The following TUSC3 variants were observed in gnomAD, a reference collection of about 807,000 sequenced individuals.
TUSC3 encodes tumor suppressor candidate 3, also known as dolichyl-diphosphooligosaccharide--protein glycosyltransferase subunit TUSC3.
A neutral mutation model predicts 44.8 loss-of-function variants in TUSC3; 45 were observed. The observed-to-expected ratio is 1.00, with a 90% CI of 0.79 to 1.29. The LOEUF (loss-of-function observed/expected upper bound fraction) is 1.29. Ranked by LOEUF, TUSC3 falls within the 50% of genes most tolerant of loss-of-function variation. The pLI is 0.00. For synonymous variants in TUSC3, 212 were observed against 152.9 expected, an observed-to-expected ratio of 1.39 and a Z score of -2.85; for missense variants, 519 against 437.9, an observed-to-expected ratio of 1.19 and a Z score of -1.65.
At chr8:15,836,116 T>G in the TUSC3 span, among the ~76,000 whole-genome samples, 5 of 151,488 alleles carry the variant, frequency 3.3e-5, no homozygotes. Context: ...TTTATTCTCA[T>G]ACTATTGTTT....
intron 2 of TUSC3, among the ~76,000 whole-genome samples, chr8:15,507,042 T>C (rs1801060984): frequency 6.6e-6 from 1 of 152,226 alleles, no homozygotes; most frequent in African/African-American, 2.4e-5. Context: ...GGTCTTCATT[T>C]TGAAGGCTCC....
chr8:15,426,952 T>C (rs1042105784), intron 1 of TUSC3, among the ~76,000 whole-genome samples: 44 of 152,198 alleles, frequency 2.9e-4, no homozygotes, highest in African/African-American at 1.0e-3. Flanking sequence ...TCATTTGCAT[T>C]TCCCTGAGCA....
intron 1 of TUSC3, among the ~76,000 whole-genome samples, chr8:15,563,685 C>CAAACAAAAAA (rs1802561799): frequency 1.3e-5 from 1 of 79,974 alleles, no homozygotes; most frequent in Non-Finnish European, 2.2e-5. Flanking sequence ...GCCTCCATCT[C>CAAACAAAAAA]AAAAAAAAAA....
chr8:15,465,645 G>C lies in TUSC3; in HGVS notation n.92-17741G>C, dbSNP rs192740444. The stretch of plus-strand genomic sequence containing the variant: ...ATTATAAAAGGCTTAATTTTCAGAT[G>C]AGGAAGACAAGTTCCTGTAAAACTT... On this transcript the variant is annotated intron_variant and non_coding_transcript_variant, in intron 1 of 5. Transcript: ENST00000503191. 1.4e-4 allele frequency among the ~76,000 whole-genome samples: 22 copies of C among 152,298 alleles called. 1 individual carries two copies. The highest frequency in any genetic ancestry group is 5.1e-4 in the African/African-American group (21 of 41,574).
intron 1 of TUSC3, among the ~76,000 whole-genome samples, chr8:15,429,998 C>CA (rs974494113): frequency 4.6e-5 from 7 of 150,982 alleles, no homozygotes; most frequent in Non-Finnish European, 7.4e-5. Flanking sequence ...GCCCACCAAC[C>CA]AAAAAAAATC....
intron 1 of TUSC3, among the ~76,000 whole-genome samples, chr8:15,567,001 A>G (rs1802703232): frequency 6.6e-6 from 1 of 152,092 alleles, no homozygotes; most frequent in Non-Finnish European, 1.5e-5. Context: ...GGGCTTTTAT[A>G]CTATGTGCTC....
intron 1 of TUSC3, among the ~76,000 whole-genome samples, chr8:15,463,971 T>G (rs1800382512): frequency 1.3e-5 from 2 of 152,212 alleles, no homozygotes. Context: ...ACTACAGTTT[T>G]ACAGATGAAG....
At chr8:15,582,249 A>G (rs1585123384) in intron 1 of TUSC3, among the ~76,000 whole-genome samples, 1 of 152,294 alleles carries the variant, frequency 6.6e-6, no homozygotes, top group Middle Eastern at 3.4e-3. Flanking sequence ...TCAGATGGAA[A>G]TGCAGAAATC....
intron 1 of TUSC3, among the ~76,000 whole-genome samples, chr8:15,480,451 T>G (rs949188125): frequency 1.3e-5 from 2 of 152,238 alleles, no homozygotes; most frequent in Non-Finnish European, 1.5e-5. Flanking sequence ...ACAACAGATA[T>G]GTACTTTCTC....
intron 1 of TUSC3, among the ~76,000 whole-genome samples, chr8:15,452,306 T>C (rs568183964): frequency 6.6e-6 from 1 of 152,204 alleles, no homozygotes; most frequent in Non-Finnish European, 1.5e-5. Flanking sequence ...GTTCTAGGTA[T>C]AAATGCTGAA....
the TUSC3 span, among the ~76,000 whole-genome samples, chr8:15,816,773 A>C: frequency 6.6e-6 from 1 of 152,208 alleles, no homozygotes; most frequent in Admixed American, 6.5e-5. Context: ...TTTTACACCT[A>C]GCACATAATT....
At chr8:15,762,374 C>T (rs987245311) in intron 10 of TUSC3, among the ~76,000 whole-genome samples, 8 of 151,636 alleles carry the variant, frequency 5.3e-5, no homozygotes, top group African/African-American at 1.9e-4. Context: ...GATTGTTACA[C>T]CAGGTTAAGA....
At chr8:15,491,637 C>A (rs28454531) in intron 2 of TUSC3, among the ~76,000 whole-genome samples, 2,486 of 152,190 alleles carry the variant, frequency 0.016, 89 homozygotes, top group African/African-American at 0.057. Flanking sequence ...ATTCTCTAAC[C>A]CTTCTGTGCA....
chr8:15,550,206 T>A (rs1802013758), intron 1 of TUSC3, among the ~76,000 whole-genome samples: 1 of 151,700 alleles, frequency 6.6e-6, no homozygotes. Context: ...TGTCTGTCTG[T>A]GGATTTCATT....
chr8:15,642,196 G>T (rs1585184337), intron 2 of TUSC3, among the ~76,000 whole-genome samples: 2 of 152,258 alleles, frequency 1.3e-5, no homozygotes, highest in East Asian at 3.9e-4. Flanking sequence ...GAATTTTGTA[G>T]TATCACAAGA....
At chr8:15,819,101 CA>C in the TUSC3 span, among the ~76,000 whole-genome samples, 1 of 152,166 alleles carries the variant, frequency 6.6e-6, no homozygotes, top group East Asian at 1.9e-4. Flanking sequence ...AAATTCACAG[CA>C]TTCTTGATTC....
chr8:15,754,446 T>C (rs1399835749), intron 9 of TUSC3, among the ~76,000 whole-genome samples: 1 of 152,156 alleles, frequency 6.6e-6, no homozygotes, highest in African/African-American at 2.4e-5. Context: ...CAACTGCTAG[T>C]ACAGACACAC....
chr8:15,805,568 C>T, the TUSC3 span, among the ~76,000 whole-genome samples: 3 of 152,094 alleles, frequency 2.0e-5, no homozygotes, highest in African/African-American at 7.2e-5. Flanking sequence ...AGAGCCTTTT[C>T]TATGCCTATT....
At chr8:15,739,666 A>T (rs930502339) in intron 7 of TUSC3, among the ~76,000 whole-genome samples, 2 of 152,200 alleles carry the variant, frequency 1.3e-5, no homozygotes, top group African/African-American at 4.8e-5. Context: ...AATCTGGAAT[A>T]TGTTTATGGA....
Sources: allele counts gnomAD v4.1 joint callset (sites outside exome capture counted in the v4.1 genomes callset), GRCh38; gene constraint gnomAD v4.1.1; transcripts MANE v1.5; gene names NCBI Gene and HGNC (gene_info 2026-07-23, HGNC 2026-07-21).